The following GAPVD1 variants were observed in gnomAD, a reference collection of about 807,000 sequenced individuals.
GAPVD1 encodes GTPase activating protein and VPS9 domains 1.
A neutral mutation model predicts 155.5 loss-of-function variants in GAPVD1; 35 were observed. The observed-to-expected ratio is 0.23, with a 90% CI of 0.17 to 0.30. The LOEUF (loss-of-function observed/expected upper bound fraction) is 0.30. GAPVD1 is among the 10% of genes least tolerant of loss of function. The probability of loss-of-function intolerance (pLI) is 1.00; values close to 1 mark genes in which losing one functional copy is unlikely to be tolerated. For missense variants in GAPVD1, 1,429 were observed against 1,775.7 expected, an observed-to-expected ratio of 0.80 and a Z score of 3.51; for synonymous variants, 636 against 619.7, an observed-to-expected ratio of 1.03 and a Z score of -0.39.
chr9:125,263,655 C>T, intron 1 of GAPVD1: 2 of 1,013,782 alleles, frequency 2.0e-6, no homozygotes, highest in Non-Finnish European at 3.1e-6. Context: ...CAGCCCCAGC[C>T]TCAGCTTTCT....
rs1050032651 is a variant in GAPVD1 at position 125,354,813 on chromosome 9, A to G, written c.3729A>G (p.Lys1243=). The G allele has an allele frequency of 1.9e-6, 3 of 1,613,670 alleles. No homozygotes were observed. The highest frequency in any genetic ancestry group is 1.7e-5 in the Admixed American group (1 of 60,014). Residue 1243 remains lysine (K), a synonymous_variant, in exon 24 of 28, where the codon AAA becomes AAG. Transcript: ENST00000297933. The stretch of plus-strand genomic sequence containing the variant: ...GTGTGAGATTACTGCTTGAGAGCAA[A>G]GAAAAGAAGATCAGGGAATTCATTC... ...TVCVRLLLES[K]EKKIREFIQD...
At chr9:125,310,838 T>G (rs1234464123) in intron 8 of GAPVD1, among the ~76,000 whole-genome samples, 1 of 138,594 alleles carries the variant, frequency 7.2e-6, no homozygotes, top group East Asian at 2.2e-4. Flanking sequence ...GCGCCCAGCC[T>G]TCTTCTTTTT....
At chr9:125,274,427 A>C (rs1835424014) in intron 2 of GAPVD1, among the ~76,000 whole-genome samples, 1 of 151,232 alleles carries the variant, frequency 6.6e-6, no homozygotes, top group Non-Finnish European at 1.5e-5. Context: ...TTCCCCCAAA[A>C]TTATAGTTAA....
At chr9:125,291,062 G>C (rs1008645016) in intron 2 of GAPVD1, among the ~76,000 whole-genome samples, 2 of 147,356 alleles carry the variant, frequency 1.4e-5, no homozygotes, top group African/African-American at 5.0e-5. Context: ...CAAGGCAAGA[G>C]GCTCACTTGA....
At chr9:125,339,119 G>GT (rs1306141558) in intron 17 of GAPVD1, among the ~76,000 whole-genome samples, 1 of 152,050 alleles carries the variant, frequency 6.6e-6, no homozygotes, top group Non-Finnish European at 1.5e-5. Flanking sequence ...GTAGTTGGGA[G>GT]TATAGGCATG....
chr9:125,309,589 C>G (rs1031635006), intron 8 of GAPVD1, among the ~76,000 whole-genome samples: 1 of 152,144 alleles, frequency 6.6e-6, no homozygotes, highest in Non-Finnish European at 1.5e-5. Flanking sequence ...CCTGCCTCGG[C>G]CTCCCAAAGG....
At chr9:125,300,213 G>A (rs1187816335) in intron 4 of GAPVD1, among the ~76,000 whole-genome samples, 8 of 141,826 alleles carry the variant, frequency 5.6e-5, no homozygotes, top group South Asian at 2.3e-4. Context: ...TTGGAGTCTC[G>A]CTCTGTCCCC....
chr9:125,345,179 CT>C lies in GAPVD1; in HGVS notation c.3047-1626del, dbSNP rs763783005. Among the ~76,000 whole-genome samples, 443 of 143,742 alleles carry C rather than the reference CT, an allele frequency of 3.1e-3. 1 individual carries two copies. Among genetic ancestry groups the C allele is most frequent in the Non-Finnish European group, 3.2e-3 (211 of 65,204 alleles). The allele number at this position is 143,742 out of a possible 152,430, so 94.3% of individuals were successfully genotyped here. A position where few individuals can be genotyped will look rare whatever the true frequency, so the allele number is the denominator to read the frequency against. ...TGTTTTCTTTTTCTTTTCTCTCTCT[CT>C]TTTTTTTTTTTTTCTTTTGAGACAG... On this transcript the variant is annotated intron_variant, in intron 19 of 27. Transcript: ENST00000297933.
intron 4 of GAPVD1, among the ~76,000 whole-genome samples, chr9:125,300,081 ATATATATATATATGTATT>A (rs1382770959): frequency 4.9e-5 from 5 of 101,520 alleles, no homozygotes; most frequent in African/African-American, 1.5e-4. Flanking sequence ...ATATATATAT[ATATATATATATATGTATT>A]TCCATGTTTT....
chr9:125,265,141 C>A (rs553988390), intron 1 of GAPVD1, among the ~76,000 whole-genome samples: 1 of 152,172 alleles, frequency 6.6e-6, no homozygotes, highest in African/African-American at 2.4e-5. Context: ...TTTGATTATT[C>A]ATCATTTTGT....
At chr9:125,311,617 G>A (rs1011126993) in intron 8 of GAPVD1, among the ~76,000 whole-genome samples, 3 of 152,014 alleles carry the variant, frequency 2.0e-5, no homozygotes, top group Admixed American at 6.6e-5. Flanking sequence ...GTGAAACTCC[G>A]TCTCAAAAAA....
At chr9:125,306,808 A>G (rs1344820688) in intron 6 of GAPVD1, among the ~76,000 whole-genome samples, 6 of 152,172 alleles carry the variant, frequency 3.9e-5, no homozygotes, top group Non-Finnish European at 8.8e-5. Flanking sequence ...ATCTTAGACT[A>G]TATCAGTACA....
intron 25 of GAPVD1, among the ~76,000 whole-genome samples, 182 bp from the exon 26 acceptor site, chr9:125,359,238 A>G (rs1321926764): frequency 6.6e-6 from 1 of 152,160 alleles, no homozygotes; most frequent in East Asian, 1.9e-4. Flanking sequence ...CTCACTCAGC[A>G]TTTCTGAGCA....
At position 125,301,980 on chromosome 9, in the gene GAPVD1, T is replaced by TTTTTTTTTA; in HGVS notation, c.186-3_186-2insTTTTTTTTA. The TTTTTTTTTA allele has an allele frequency of 6.5e-7, 1 of 1,529,842 alleles. No homozygotes were observed. Among genetic ancestry groups the TTTTTTTTTA allele is most frequent in the Admixed American group, 2.2e-5 (1 of 44,668 alleles). 94.8% of individuals were successfully genotyped at this position (1,529,842 alleles called of 1,614,324 possible). On this transcript the variant is annotated splice_region_variant and splice_polypyrimidine_tract_variant and intron_variant, in intron 4 of 27. Transcript: ENST00000297933. Reference sequence around the variant, plus strand: ...TGTTTGCTCTTTTTTTTTTTTTTTTTAGTGCTGAAGCTTCCCCTGCTGAAT... The same window carrying TTTTTTTTTA: ...TGTTTGCTCTTTTTTTTTTTTTTTTTTTTTTTTTAAGTGCTGAAGCTTCCCCTGCTGAAT...
In GAPVD1 at chr9:125,265,586, A is replaced by G. The variant is rs1158142598; in HGVS notation, c.-198-3350A>G. 1.8e-5 allele frequency among the ~76,000 whole-genome samples: 2 copies of G among 113,754 alleles called. 1 individual carries two copies. The highest frequency in any genetic ancestry group is 6.1e-4 in the South Asian group (2 of 3,264). The allele number at this position is 113,754 out of a possible 152,430, so 74.6% of individuals were successfully genotyped here. On this transcript the variant is annotated intron_variant, in intron 1 of 27. Coordinates refer to ENST00000297933, the MANE Select transcript of GAPVD1 (RefSeq NM_001282680.3). Reference sequence around the variant, plus strand: ...GCCACGATGGCTGGCTAATTTTTGTATTTTTTTGTAGAGACGGGGTTTCAC... The same window carrying G: ...GCCACGATGGCTGGCTAATTTTTGTGTTTTTTTGTAGAGACGGGGTTTCAC...
At chr9:125,272,093 G>T (rs998366924) in intron 2 of GAPVD1, among the ~76,000 whole-genome samples, 15 of 151,576 alleles carry the variant, frequency 9.9e-5, no homozygotes, top group African/African-American at 3.4e-4. Flanking sequence ...GCATGATCTC[G>T]GCTCACTTCA....
chr9:125,338,694 G>A (rs1416303757), intron 17 of GAPVD1, among the ~76,000 whole-genome samples: 1 of 152,086 alleles, frequency 6.6e-6, no homozygotes, highest in African/African-American at 2.4e-5. Context: ...ATTGCACTTT[G>A]TCAGGTAGCA....
At chr9:125,339,934 G>C (rs1307862316) in intron 17 of GAPVD1, among the ~76,000 whole-genome samples, 1 of 152,164 alleles carries the variant, frequency 6.6e-6, no homozygotes, top group Non-Finnish European at 1.5e-5. Flanking sequence ...CAGGTATGTA[G>C]ATGAAAATGG....
At chr9:125,276,792 G>A (rs1368028064) in intron 2 of GAPVD1, among the ~76,000 whole-genome samples, 1 of 152,044 alleles carries the variant, frequency 6.6e-6, no homozygotes, top group Non-Finnish European at 1.5e-5. Context: ...ACAGGGCCTC[G>A]CTCTTGCCTG....
Sources: gnomAD v4.1 joint callset for allele counts (sites outside exome capture counted in the v4.1 genomes callset) on GRCh38, gnomAD v4.1.1 for gene constraint, MANE v1.5 for transcripts, NCBI Gene and HGNC (gene_info 2026-07-23, HGNC 2026-07-21) for gene names.